TTC28: variants seen among roughly 807,000 people sequenced by gnomAD.
TTC28 encodes tetratricopeptide repeat domain 28.
A neutral mutation model predicts 198.0 loss-of-function variants in TTC28; 61 were observed. The observed-to-expected ratio is 0.31, with a 90% confidence interval of 0.25 to 0.38. The LOEUF is 0.38. TTC28 is among the 10% of genes least tolerant of loss of function. TTC28 has a pLI of 1.00. For synonymous variants in TTC28, 1,171 were observed against 1,297.8 expected (o/e 0.90, Z 2.10); for missense variants, 2,678 against 3,164.0 (o/e 0.85, Z 3.69).
chr22:28,050,349 G>C (rs914560788), intron 12 of TTC28, among the ~76,000 whole-genome samples: 6 of 152,166 alleles, frequency 3.9e-5, no homozygotes, highest in Non-Finnish European at 1.5e-5. Flanking sequence ...CTCTTTAGCA[G>C]CATCAGCTCC....
At chr22:28,386,307 G>C (rs929244139) in intron 2 of TTC28, among the ~76,000 whole-genome samples, 18 of 69,720 alleles carry the variant, frequency 2.6e-4, no homozygotes, top group Admixed American at 1.1e-3. Flanking sequence ...AAAAAAAAAA[G>C]AAGGCTTCAC....
chr22:28,533,919 T>G (rs1038058161), intron 2 of TTC28, among the ~76,000 whole-genome samples: 2 of 152,188 alleles, frequency 1.3e-5, no homozygotes, highest in Non-Finnish European at 2.9e-5. Flanking sequence ...TCAAGATGGA[T>G]TAAAGACTTA....
chr22:28,358,433 A>C (rs2046110333), intron 2 of TTC28, among the ~76,000 whole-genome samples: 1 of 152,306 alleles, frequency 6.6e-6, no homozygotes. Flanking sequence ...CTTGTCATGA[A>C]GTCTGTGGGT....
chr22:28,461,432 CTTCAG>C (rs1328223694), intron 2 of TTC28, among the ~76,000 whole-genome samples: 6 of 151,896 alleles, frequency 4.0e-5, no homozygotes, highest in Admixed American at 2.6e-4. Context: ...ACAATTCTTT[CTTCAG>C]TTTTTTTTTT....
intron 2 of TTC28, among the ~76,000 whole-genome samples, chr22:28,482,586 C>G (rs180958333): frequency 1.7e-4 from 26 of 152,070 alleles, no homozygotes; most frequent in Non-Finnish European, 3.1e-4. Context: ...ACTCATATAA[C>G]ATAACATCAG....
chr22:27,998,601 C>A lies in TTC28; in HGVS notation c.5058G>T (p.Leu1686=). ...TCTGCACCACCTTCATGGCCTCCCC[C>A]AGGGCGGCGCTGGCTTTCAGGCCGT... The part of the protein sequence containing the change: ...LLNGLKASAA[L]GEAMKVVQSS... The change falls in exon 16 of 23, where the codon CTG becomes CTT. Residue 1686 remains leucine, a synonymous_variant. Transcript: ENST00000397906. 4 of 1,550,848 alleles carry A rather than the reference C, an allele frequency of 2.6e-6. No individual in the cohort carries two copies. The highest frequency in any genetic ancestry group is 2.6e-6 in the Non-Finnish European group (3 of 1,147,000).
At chr22:28,030,460 C>T (rs752171603) in intron 12 of TTC28, 94 bp from the exon 13 acceptor site, 53 of 1,474,564 alleles carry the variant, frequency 3.6e-5, no homozygotes, top group Middle Eastern at 2.2e-4. Context: ...TGTCACCAAA[C>T]GAACCTCTAG....
At chr22:28,433,575 A>C (rs942472989) in intron 2 of TTC28, among the ~76,000 whole-genome samples, 9 of 152,226 alleles carry the variant, frequency 5.9e-5, no homozygotes, top group Admixed American at 2.0e-4. Flanking sequence ...GATTCTCTAA[A>C]ATAAATAATA....
intron 2 of TTC28, among the ~76,000 whole-genome samples, chr22:28,538,291 T>G (rs977803334): frequency 6.6e-6 from 1 of 152,116 alleles, no homozygotes; most frequent in Non-Finnish European, 1.5e-5. Flanking sequence ...TCTTGCTATG[T>G]TGCCCAGGCT....
chr22:28,400,553 T>C (rs1490857721), intron 2 of TTC28, among the ~76,000 whole-genome samples: 1 of 152,208 alleles, frequency 6.6e-6, no homozygotes, highest in African/African-American at 2.4e-5. Context: ...GTGGCAACAG[T>C]AGCAGCAGTG....
chr22:28,138,648 G>A (rs1943256246), intron 6 of TTC28, among the ~76,000 whole-genome samples: 1 of 152,138 alleles, frequency 6.6e-6, no homozygotes, highest in South Asian at 2.1e-4. Flanking sequence ...TAATAGTTTG[G>A]AAAAATCCTG....
intron 5 of TTC28, among the ~76,000 whole-genome samples, chr22:28,167,777 C>A (rs952952866): frequency 6.6e-6 from 1 of 152,144 alleles, no homozygotes; most frequent in Non-Finnish European, 1.5e-5. Flanking sequence ...GGGATGCCCT[C>A]TCTCACCACT....
chr22:28,542,064 G>C (rs1000378800), intron 2 of TTC28, among the ~76,000 whole-genome samples: 2 of 151,998 alleles, frequency 1.3e-5, no homozygotes, highest in Non-Finnish European at 1.5e-5. Context: ...ACTCCAGCCT[G>C]GGTAACAGAA....
chr22:28,377,441 T>C (rs765660237), intron 2 of TTC28, among the ~76,000 whole-genome samples: 2 of 152,004 alleles, frequency 1.3e-5, no homozygotes, highest in African/African-American at 2.4e-5. Flanking sequence ...AGAATTTGTG[T>C]CTGAATCTTT....
intron 12 of TTC28, among the ~76,000 whole-genome samples, chr22:28,030,947 T>C (rs1038060484): frequency 6.6e-6 from 1 of 152,310 alleles, no homozygotes; most frequent in Admixed American, 6.5e-5. Flanking sequence ...AAACGCAAAC[T>C]TGAGAACTGC....
At chr22:28,509,662 G>A (rs370340628) in intron 2 of TTC28, among the ~76,000 whole-genome samples, 5 of 151,906 alleles carry the variant, frequency 3.3e-5, no homozygotes, top group African/African-American at 1.2e-4. Flanking sequence ...AGCTAGCAGA[G>A]GACAAGAAAT....
intron 2 of TTC28, among the ~76,000 whole-genome samples, chr22:28,371,085 A>G (rs1263780628): frequency 6.6e-6 from 1 of 152,100 alleles, no homozygotes; most frequent in African/African-American, 2.4e-5. Flanking sequence ...ACACTCTTCA[A>G]CCTCAGGACA....
intron 12 of TTC28, among the ~76,000 whole-genome samples, chr22:28,091,880 T>C (rs1163899461): frequency 6.6e-6 from 1 of 152,158 alleles, no homozygotes; most frequent in Admixed American, 6.5e-5. Context: ...TGAGAATGTA[T>C]AAATGGGCAT....
chr22:28,388,274 A>G (rs2046650365), intron 2 of TTC28, among the ~76,000 whole-genome samples: 1 of 152,224 alleles, frequency 6.6e-6, no homozygotes, highest in African/African-American at 2.4e-5. Flanking sequence ...GAAGTCAGGT[A>G]GTGTGATGCC....
Sources: allele counts gnomAD v4.1 joint callset (sites outside exome capture counted in the v4.1 genomes callset), GRCh38; gene constraint gnomAD v4.1.1; transcripts MANE v1.5; gene names NCBI Gene and HGNC (gene_info 2026-07-23, HGNC 2026-07-21).